Variants in SRP72 observed in about 807,000 individuals in gnomAD.
The protein encoded by SRP72 is signal recognition particle 72.
Under a neutral mutation model 96.3 loss-of-function variants are expected in SRP72, and 49 were observed. The observed-to-expected ratio is 0.51, with a 90% CI of 0.40 to 0.65. The LOEUF (loss-of-function observed/expected upper bound fraction) is 0.65, where lower values mean the gene tolerates loss of function less well. Ranked by LOEUF, SRP72 falls within the 30% of genes least tolerant of loss-of-function variation. SRP72 has a pLI of 0.00. For synonymous variants in SRP72, 267 were observed against 275.2 expected (o/e 0.97, Z 0.30); for missense variants, 736 against 793.3 (o/e 0.93, Z 0.87).
intron 1 of SRP72, 71 bp from the exon 2 acceptor site, chr4:56,469,582 G>A: frequency 1.4e-6 from 2 of 1,431,070 alleles, no homozygotes; most frequent in East Asian, 2.4e-5. Flanking sequence ...GAGAGACAGG[G>A]TGGGAAAATT....
In SRP72 at chr4:56,474,232, AATT is replaced by A. The variant is rs1720111643; in HGVS notation, c.499-41_499-39del. ...CTTGTGGTGTACCCATACAGTCATG[AATT>A]ATTATTCATATTTAGTATTTAACTG... is the stretch of plus-strand genomic sequence containing the variant. On this transcript the variant is annotated intron_variant, in intron 4 of 18. Transcript: ENST00000642900. 1.9e-6 allele frequency: 3 copies of A among 1,613,374 alleles called. No individual in the cohort carries two copies. In the South Asian group the frequency reaches 3.3e-5, roughly 18 times the overall value.
chr4:56,476,974 G>A, intron 6 of SRP72: 1 of 389,416 alleles, frequency 2.6e-6, no homozygotes, highest in Non-Finnish European at 4.5e-6. Context: ...TAGGACTAAG[G>A]TCTTTGAGGA....
At chr4:56,491,657 T>C in intron 16 of SRP72, 89 bp downstream of exon 16, 1 of 1,294,914 alleles carries the variant, frequency 7.7e-7, no homozygotes, top group Non-Finnish European at 1.1e-6. Context: ...TTCATGTGAA[T>C]AAAGTTCTAG....
rs555145782 is a variant in SRP72, at chr4:56,484,159, G to A, written c.958-577G>A. On this transcript the variant is annotated intron_variant, in intron 9 of 18. Coordinates refer to ENST00000642900, the MANE Select transcript of SRP72 (RefSeq NM_006947.4). Reference sequence around the variant, plus strand: ...CGCTATTCTCCTGCCTCACCCTCCCGAGTAGCTGGGACTACAGGCGCCCAG... The same window carrying A: ...CGCTATTCTCCTGCCTCACCCTCCCAAGTAGCTGGGACTACAGGCGCCCAG... Among the ~76,000 whole-genome samples the A allele has an allele frequency of 2.7e-5, 4 of 147,300 alleles. No individual in the cohort carries two copies. In the South Asian group the frequency reaches 8.7e-4, roughly 32 times the overall value.
rs887173348 is a variant in SRP72 at position 56,502,321 on chromosome 4, A to G, written c.*460A>G. On this transcript the variant is annotated 3_prime_UTR_variant, in exon 19 of 19. Coordinates refer to ENST00000642900, the MANE Select transcript of SRP72 (RefSeq NM_006947.4). ...CATTCCTAAATATCTGCTTAGAAATATCATGTGATAAAGAGGGACCTTCTT... is the reference window on the plus strand; with the variant it reads ...CATTCCTAAATATCTGCTTAGAAATGTCATGTGATAAAGAGGGACCTTCTT... 4 of 155,814 alleles carry G rather than the reference A, an allele frequency of 2.6e-5. No individual in the cohort carries two copies. The highest frequency in any genetic ancestry group is 4.3e-5 in the Non-Finnish European group (3 of 70,342). 9.7% of individuals were successfully genotyped at this position (155,814 alleles called of 1,614,324 possible).
intron 13 of SRP72, 129 bp downstream of exon 13, chr4:56,489,612 C>A: frequency 2.1e-6 from 1 of 473,690 alleles, no homozygotes; most frequent in Non-Finnish European, 3.7e-6. Flanking sequence ...TTTAGATTAT[C>A]AAATGCATTT....
Position 56,502,748 on chromosome 4 carries a change from G to A in SRP72, c.*887G>A, listed in dbSNP as rs1560692347. The A allele has an allele frequency of 1.3e-5, 2 of 152,034 alleles. No homozygotes were observed. The highest frequency in any genetic ancestry group is 4.1e-4 in the South Asian group (2 of 4,826). 9.4% of individuals were successfully genotyped at this position (152,034 alleles called of 1,614,324 possible). On this transcript the variant is annotated 3_prime_UTR_variant, in exon 19 of 19. Coordinates refer to ENST00000642900, the MANE Select transcript of SRP72 (RefSeq NM_006947.4). ...CTCCATAGAGAAGAAATCAGTATCTGAGTTGCATACCAGGCAGTATTAAAA... is the reference window on the plus strand; with the variant it reads ...CTCCATAGAGAAGAAATCAGTATCTAAGTTGCATACCAGGCAGTATTAAAA...
chr4:56,474,342 A>C lies in SRP72; in HGVS notation c.561A>C (p.Ile187=), dbSNP rs1293859231. The C allele has an allele frequency of 4.3e-6, 7 of 1,614,186 alleles. No individual in the cohort carries two copies. The highest frequency in any genetic ancestry group is 5.9e-6 in the Non-Finnish European group (7 of 1,180,038). The part of the protein sequence containing the change: ...ELCYNTACAL[I]GQGQLNQAMK... ...GCTACAACACTGCATGTGCACTGAT[A>C]GGCCAAGGCCAGCTGAACCAGGCCA... Residue 187 remains isoleucine, a synonymous_variant, in exon 5 of 19, where the codon ATA becomes ATC. Coordinates refer to ENST00000642900, the MANE Select transcript of SRP72 (RefSeq NM_006947.4).
intron 12 of SRP72, 40 bp downstream of exon 12, chr4:56,488,053 T>G (rs1437399872): frequency 7.0e-7 from 1 of 1,423,772 alleles, no homozygotes; most frequent in Non-Finnish European, 9.7e-7. Flanking sequence ...GTAGTTGAAT[T>G]GATAATTTGT....
chr4:56,484,783 C>A lies in SRP72; in HGVS notation c.1005C>A (p.Pro335=), dbSNP rs201570324. Residue 335 remains proline, a synonymous_variant, in exon 10 of 19, where the codon CCC becomes CCA. Transcript: ENST00000642900. ...CTGCCAGTTTACAGTCCCAAAGTCC[C>A]GAGCATCTCTTACCTGTGTTAATCC... ...KISASLQSQS[P]EHLLPVLIQA... is the part of the protein sequence containing the mutation. 6.2e-7 allele frequency: 1 copy of A among 1,614,136 alleles called. No homozygotes were observed. The highest frequency in any genetic ancestry group is 2.2e-5 in the East Asian group (1 of 44,880).
Position 56,500,526 on chromosome 4 carries a change from C to T in SRP72, c.1679-10C>T, listed in dbSNP as rs368330388. Reference sequence around the variant, plus strand: ...GACACATCTCTCATTTCTTTATAATCGTTATGCAGGAAAATTGCCTAAGAA... The same window carrying T: ...GACACATCTCTCATTTCTTTATAATTGTTATGCAGGAAAATTGCCTAAGAA... On this transcript the variant is annotated splice_polypyrimidine_tract_variant and intron_variant, in intron 17 of 18. Coordinates refer to ENST00000642900, the MANE Select transcript of SRP72 (RefSeq NM_006947.4). The T allele has an allele frequency of 1.2e-5, 20 of 1,610,276 alleles. No homozygotes were observed. The highest frequency in any genetic ancestry group is 4.0e-5 in the African/African-American group (3 of 74,764).
intron 17 of SRP72, among the ~76,000 whole-genome samples, chr4:56,499,590 T>G (rs897081047): frequency 3.3e-5 from 5 of 152,204 alleles, no homozygotes; most frequent in Non-Finnish European, 7.3e-5. Context: ...AACTGCCATT[T>G]ATGTGGCCAA....
At chr4:56,488,071 A>C (rs1391491155) in intron 12 of SRP72, 58 bp downstream of exon 12, 1 of 1,182,256 alleles carries the variant, frequency 8.5e-7, no homozygotes, top group Admixed American at 2.2e-5. Flanking sequence ...TGTATGTCTA[A>C]TGTGTATTCA....
chr4:56,489,398 T>A lies in SRP72; in HGVS notation c.1235T>A (p.Leu412Ter). ...CCTTTGGCTGTGTAGGTATCTGCAT[T>A]AGTTACCATGTATAGCCATGAAGAA... ...LKHKPGMVSA[L>*]VTMYSHEEDI... Residue 412 changes from leucine to a stop codon, truncating the protein, a stop_gained, in exon 13 of 19, where the codon TTA (leucine) becomes TAA (stop). Coordinates refer to ENST00000642900, the MANE Select transcript of SRP72 (RefSeq NM_006947.4). LOFTEE classifies it high-confidence loss of function. 1 of 1,588,754 alleles carries A rather than the reference T, an allele frequency of 6.3e-7. No homozygotes were observed. Among genetic ancestry groups the A allele is most frequent in the Non-Finnish European group, 8.6e-7 (1 of 1,161,754 alleles).
At chr4:56,486,441 T>A in intron 11 of SRP72, 44 bp downstream of exon 11, 1 of 1,486,688 alleles carries the variant, frequency 6.7e-7, no homozygotes. Context: ...AATGAAAACA[T>A]GTTTGGAATG....
chr4:56,478,711 T>C, intron 8 of SRP72, 62 bp downstream of exon 8: 1 of 1,536,532 alleles, frequency 6.5e-7, no homozygotes, highest in Non-Finnish European at 8.8e-7. Flanking sequence ...ACCCTAGTTT[T>C]AGTTTTGTTC....
chr4:56,501,618 A>G, intron 18 of SRP72, 66 bp from the exon 19 acceptor site: 1 of 1,408,654 alleles, frequency 7.1e-7, no homozygotes, highest in Non-Finnish European at 9.8e-7. Flanking sequence ...AAACCCATGT[A>G]CATACATTTT....
chr4:56,490,776 C>A, intron 15 of SRP72, 131 bp downstream of exon 15: 2 of 717,190 alleles, frequency 2.8e-6, no homozygotes, highest in Middle Eastern at 2.5e-4. Context: ...CTAGTAAAAC[C>A]AAAAAATGAG....
intron 9 of SRP72, 74 bp downstream of exon 9, chr4:56,483,344 CTAAT>C: frequency 7.1e-7 from 1 of 1,401,482 alleles, no homozygotes; most frequent in Non-Finnish European, 9.7e-7. Flanking sequence ...GGATATTAGT[CTAAT>C]CTTTTTATAG....
Sources: allele counts gnomAD v4.1 joint callset (sites outside exome capture counted in the v4.1 genomes callset), GRCh38; gene constraint gnomAD v4.1.1; transcripts MANE v1.5; gene names NCBI Gene and HGNC (gene_info 2026-07-23, HGNC 2026-07-21).